LURAP1L: variants seen among roughly 807,000 people sequenced by gnomAD.
LURAP1L encodes leucine rich adaptor protein 1-like.
In LURAP1L, 12 loss-of-function variants were observed where a neutral mutation model predicts 13.8. The observed-to-expected ratio is 0.87, with a 90% confidence interval of 0.56 to 1.41. The LOEUF (loss-of-function observed/expected upper bound fraction) is 1.41. Ranked by LOEUF, LURAP1L falls within the 40% of genes most tolerant of loss-of-function variation. The pLI is 0.00. For synonymous variants in LURAP1L, 139 were observed against 119.2 expected (o/e 1.17, Z -1.08); for missense variants, 375 against 292.9 (o/e 1.28, Z -2.04).
At chr9:12,776,330 T>A (rs1400166524) in intron 1 of LURAP1L, among the ~76,000 whole-genome samples, 3 of 152,182 alleles carry the variant, frequency 2.0e-5, no homozygotes, top group Non-Finnish European at 4.4e-5. Flanking sequence ...TGCCAGCCCG[T>A]AGCCTCTTAG....
intron 1 of LURAP1L, among the ~76,000 whole-genome samples, chr9:12,788,873 G>A (rs577830908): frequency 1.4e-4 from 21 of 150,802 alleles, no homozygotes; most frequent in African/African-American, 4.4e-4. Context: ...ACCAGCCTGG[G>A]CAACAAAGCG....
Position 12,820,450 on chromosome 9 carries a change from C to A in LURAP1L, c.313-936C>A, listed in dbSNP as rs988678376. Among the ~76,000 whole-genome samples the A allele has an allele frequency of 1.5e-4, 22 of 147,132 alleles. No homozygotes were observed. In the Admixed American group the frequency reaches 1.5e-3, roughly 10 times the overall value. On this transcript the variant is annotated intron_variant, in intron 1 of 1. Transcript: ENST00000319264. The stretch of plus-strand genomic sequence containing the variant: ...CTCAGGAGGCGGAGCTTGCAGTGAG[C>A]CGAGATTCCGCCACTGCACTCCAGC...
Position 12,775,369 on chromosome 9 carries a change from CTT to C in LURAP1L, c.-344_-343del, listed in dbSNP as rs1819152745. ...GCTAAAACAGATTTAATTTCCCTCT[CTT>C]TTCTTTCACTACTTCCCCCTCTTTA... On this transcript the variant is annotated 5_prime_UTR_variant, in exon 1 of 2. Coordinates refer to ENST00000319264, the MANE Select transcript of LURAP1L (RefSeq NM_203403.2). 1 of 250,184 alleles carries C rather than the reference CTT, an allele frequency of 4.0e-6. No homozygotes were observed. Among genetic ancestry groups the C allele is most frequent in the Admixed American group, 5.4e-5 (1 of 18,432 alleles). The allele number at this position is 250,184 out of a possible 1,614,324, so 15.5% of individuals were successfully genotyped here. A position where few individuals can be genotyped will look rare whatever the true frequency, so the allele number is the denominator to read the frequency against.
rs1040534510 is a variant in LURAP1L at position 12,822,205 on chromosome 9, T to C, written c.*445T>C. 3 of 158,586 alleles carry C rather than the reference T, an allele frequency of 1.9e-5. No homozygotes were observed. The highest frequency in any genetic ancestry group is 7.2e-5 in the African/African-American group (3 of 41,502). The allele number at this position is 158,586 out of a possible 1,614,324, so 9.8% of individuals were successfully genotyped here. A position where few individuals can be genotyped will look rare whatever the true frequency, so the allele number is the denominator to read the frequency against. On this transcript the variant is annotated 3_prime_UTR_variant, in exon 2 of 2. Coordinates refer to ENST00000319264, the MANE Select transcript of LURAP1L (RefSeq NM_203403.2). ...ATATTGAGATATATTACTGTTTGCATATCAGGTTGAACAAAATGCTTGGAA... is the reference window on the plus strand; with the variant it reads ...ATATTGAGATATATTACTGTTTGCACATCAGGTTGAACAAAATGCTTGGAA...
intron 1 of LURAP1L, among the ~76,000 whole-genome samples, chr9:12,814,814 A>G (rs1023122522): frequency 2.0e-5 from 3 of 152,216 alleles, no homozygotes; most frequent in African/African-American, 4.8e-5. Context: ...CGTTCTGGGA[A>G]AAGAGTGAAC....
rs1819901774 is a variant in LURAP1L at position 12,822,961 on chromosome 9, T to A, written c.*1201T>A. Among the ~76,000 whole-genome samples the A allele has an allele frequency of 6.6e-6, 1 of 152,196 alleles. No individual in the cohort carries two copies. Among genetic ancestry groups the A allele is most frequent in the Admixed American group, 6.5e-5 (1 of 15,284 alleles). On this transcript the variant is annotated 3_prime_UTR_variant, in exon 2 of 2. Transcript: ENST00000319264. ...TAACTGAGAAATGTTTCACCCAAAT[T>A]TCCTTTGTTATTATATATTTACTAC...
At chr9:12,798,474 A>G (rs1819538975) in intron 1 of LURAP1L, among the ~76,000 whole-genome samples, 1 of 152,214 alleles carries the variant, frequency 6.6e-6, no homozygotes, top group South Asian at 2.1e-4. Flanking sequence ...CATTGCCTAG[A>G]TTGTTTCCTT....
intron 1 of LURAP1L, chr9:12,790,867 GA>G (rs1180170285): frequency 1.3e-5 from 2 of 151,612 alleles, no homozygotes; most frequent in Admixed American, 6.6e-5. Flanking sequence ...AACTTACAAG[GA>G]AAAAAACATT....
chr9:12,776,111 G>T, intron 1 of LURAP1L, 84 bp downstream of exon 1: 1 of 1,361,756 alleles, frequency 7.3e-7, no homozygotes, highest in South Asian at 1.2e-5. Flanking sequence ...CTGGGAGAGA[G>T]GACGGCAGGG....
chr9:12,820,745 T>C (rs1385572687), intron 1 of LURAP1L, among the ~76,000 whole-genome samples: 1 of 152,194 alleles, frequency 6.6e-6, no homozygotes, highest in East Asian at 1.9e-4. Context: ...AGCAAAAGCA[T>C]TATTCAGCAC....
At chr9:12,791,645 CCTCT>C (rs1205705267) in intron 1 of LURAP1L, among the ~76,000 whole-genome samples, 3 of 150,058 alleles carry the variant, frequency 2.0e-5, no homozygotes, top group Non-Finnish European at 4.5e-5. Context: ...CCCCCGCCCT[CCTCT>C]CTCTCTCCTT....
At position 12,822,865 on chromosome 9, in the gene LURAP1L, C is replaced by G. The variant is rs754480802; in HGVS notation, c.*1105C>G. On this transcript the variant is annotated 3_prime_UTR_variant, in exon 2 of 2. Transcript: ENST00000319264. The stretch of plus-strand genomic sequence containing the variant: ...GAGGGAATCTAATTAAGATTTCATG[C>G]TGTTCTTTGTAATGATAAATGTTTC... Among the ~76,000 whole-genome samples, 25 of 152,166 alleles carry G rather than the reference C, an allele frequency of 1.6e-4. No homozygotes were observed. Among genetic ancestry groups the G allele is most frequent in the Middle Eastern group, 6.8e-3 (2 of 294 alleles).
At chr9:12,779,236 A>T (rs1217366904) in intron 1 of LURAP1L, among the ~76,000 whole-genome samples, 2 of 121,682 alleles carry the variant, frequency 1.6e-5, no homozygotes, top group African/African-American at 6.0e-5. Context: ...TAAACATTTT[A>T]TATGTATTAT....
At chr9:12,798,145 T>C (rs1027779587) in intron 1 of LURAP1L, among the ~76,000 whole-genome samples, 3 of 152,164 alleles carry the variant, frequency 2.0e-5, no homozygotes, top group Non-Finnish European at 4.4e-5. Flanking sequence ...GCTTCATAGG[T>C]AAAATTTTAA....
At position 12,775,918 on chromosome 9, in the gene LURAP1L, C is replaced by G; in HGVS notation, c.203C>G (p.Ser68Cys). The G allele has an allele frequency of 6.4e-7, 1 of 1,570,352 alleles. No homozygotes were observed. Among genetic ancestry groups the G allele is most frequent in the East Asian group, 2.4e-5 (1 of 41,986 alleles). The change falls in exon 1 of 2, where the codon TCC (serine) becomes TGC (cysteine). Residue 68 changes from serine to cysteine, a missense_variant. Physicochemically the swap from Ser to Cys is moderately radical, Grantham distance 112 (BLOSUM62 -1). Coordinates refer to ENST00000319264, the MANE Select transcript of LURAP1L (RefSeq NM_203403.2). ...AGCAGCTACTGCAGCTTCCCTCCCTCCTTGTCGTCCTCCTCTTCGTCCTCC... is the reference window on the plus strand; with the variant it reads ...AGCAGCTACTGCAGCTTCCCTCCCTGCTTGTCGTCCTCCTCTTCGTCCTCC... ...SSSSYCSFPP[S>C]LSSSSSSSPT...
intron 1 of LURAP1L, among the ~76,000 whole-genome samples, chr9:12,798,108 T>C (rs1459477944): frequency 4.6e-5 from 7 of 152,172 alleles, no homozygotes; most frequent in South Asian, 4.1e-4. Flanking sequence ...AATAAAAGCA[T>C]GTATAATTTA....
intron 1 of LURAP1L, among the ~76,000 whole-genome samples, chr9:12,803,532 C>G (rs1205057170): frequency 6.6e-6 from 1 of 152,126 alleles, no homozygotes; most frequent in African/African-American, 2.4e-5. Context: ...TTTTAAATAT[C>G]TTTTTAAGTT....
chr9:12,797,346 A>G (rs1209235838), intron 1 of LURAP1L, among the ~76,000 whole-genome samples: 1 of 152,170 alleles, frequency 6.6e-6, no homozygotes, highest in Non-Finnish European at 1.5e-5. Flanking sequence ...TGACAATAGG[A>G]ATCACACTGC....
chr9:12,787,098 G>C (rs373970095), intron 1 of LURAP1L, among the ~76,000 whole-genome samples: 8 of 152,056 alleles, frequency 5.3e-5, no homozygotes, highest in Non-Finnish European at 1.2e-4. Context: ...CATGCAAAGA[G>C]TACAAAAGTA....
Sources: gnomAD v4.1 joint callset for allele counts (sites outside exome capture counted in the v4.1 genomes callset) on GRCh38, gnomAD v4.1.1 for gene constraint, MANE v1.5 for transcripts, NCBI Gene and HGNC (gene_info 2026-07-23, HGNC 2026-07-21) for gene names.